The following BCAR3 variants were observed in gnomAD, a reference collection of about 807,000 sequenced individuals.
The protein encoded by BCAR3 is BCAR3 adaptor protein, NSP family member.
A neutral mutation model predicts 80.1 loss-of-function variants in BCAR3; 37 were observed. That is an observed-to-expected ratio of 0.46 (90% CI 0.36 to 0.61). BCAR3 has a LOEUF of 0.61. Ranked by LOEUF, BCAR3 falls within the 20% of genes least tolerant of loss-of-function variation. The pLI is 0.00. For missense variants in BCAR3, 978 were observed against 1,068.2 expected, an observed-to-expected ratio of 0.92 and a Z score of 1.18; for synonymous variants, 389 against 418.9, an observed-to-expected ratio of 0.93 and a Z score of 0.87.
intron 7 of BCAR3, among the ~76,000 whole-genome samples, chr1:93,577,806 C>T (rs1673517547): frequency 6.6e-6 from 1 of 152,198 alleles, no homozygotes; most frequent in Non-Finnish European, 1.5e-5. Flanking sequence ...ATTAAAAGGC[C>T]TGTGATTGAT....
intron 11 of BCAR3, among the ~76,000 whole-genome samples, chr1:93,566,170 C>CTT (rs1450389294): frequency 2.0e-5 from 3 of 152,186 alleles, no homozygotes; most frequent in Non-Finnish European, 2.9e-5. Flanking sequence ...TTAGGTCATA[C>CTT]TTTGCACAAA....
intron 2 of BCAR3, among the ~76,000 whole-genome samples, chr1:93,662,640 C>T (rs572091219): frequency 3.1e-4 from 47 of 152,164 alleles, no homozygotes; most frequent in Admixed American, 5.2e-4. Context: ...CTGAATTTTC[C>T]TCACCCCACG....
chr1:93,650,786 A>T lies in BCAR3; in HGVS notation c.318-8443T>A, dbSNP rs113344080. Among the ~76,000 whole-genome samples, 166 of 152,266 alleles carry T rather than the reference A, an allele frequency of 1.1e-3. 1 individual carries two copies. Among genetic ancestry groups the T allele is most frequent in the African/African-American group, 3.6e-3 (150 of 41,562 alleles). On this transcript the variant is annotated intron_variant, in intron 2 of 11. Coordinates refer to ENST00000260502, the MANE Select transcript of BCAR3 (RefSeq NM_003567.4). ...GCAAAACCTAACCCGATGAAACAGA[A>T]CAGGAATAAAATTTGAACTTCTAAT...
intron 3 of BCAR3, among the ~76,000 whole-genome samples, chr1:93,598,274 G>A (rs1326071802): frequency 1.3e-5 from 2 of 152,164 alleles, no homozygotes; most frequent in East Asian, 1.9e-4. Context: ...GCACTTGGGC[G>A]ATCTGTCAGA....
At chr1:93,658,551 C>T (rs1047743472) in intron 2 of BCAR3, among the ~76,000 whole-genome samples, 1 of 151,970 alleles carries the variant, frequency 6.6e-6, no homozygotes, top group Admixed American at 6.6e-5. Context: ...ACTCTGGAGG[C>T]TGAGATGAGA....
chr1:93,834,378 T>C (rs950437618), intron 2 of BCAR3, among the ~76,000 whole-genome samples: 1 of 152,142 alleles, frequency 6.6e-6, no homozygotes. Context: ...CCCATTATTC[T>C]ATTCTAGATA....
intron 2 of BCAR3, among the ~76,000 whole-genome samples, chr1:93,746,816 A>G (rs1292421772): frequency 1.3e-5 from 2 of 152,096 alleles, no homozygotes; most frequent in Non-Finnish European, 2.9e-5. Flanking sequence ...TTGCCCCTGA[A>G]AATGCTCTCC....
intron 2 of BCAR3, among the ~76,000 whole-genome samples, chr1:93,653,083 G>A (rs1214009761): frequency 2.6e-5 from 4 of 152,188 alleles, no homozygotes; most frequent in Non-Finnish European, 5.9e-5. Context: ...AATTTCACTA[G>A]TACAGACCTT....
Position 93,829,643 on chromosome 1 carries a change from G to A in BCAR3, c.-63+15924C>T, listed in dbSNP as rs916348148. ...TGGGATTACAGGCACGAGCCACCAC[G>A]CCTGGCCTAAAACTTTGATTAAATA... On this transcript the variant is annotated intron_variant, in intron 2 of 13. Transcript: ENST00000370244. Among the ~76,000 whole-genome samples, 5 of 151,910 alleles carry A rather than the reference G, an allele frequency of 3.3e-5. No individual in the cohort carries two copies. The South Asian group carries it at 6.2e-4, about 19-fold the overall frequency.
intron 2 of BCAR3, among the ~76,000 whole-genome samples, chr1:93,770,501 A>C (rs1287401966): frequency 6.6e-6 from 1 of 152,006 alleles, no homozygotes; most frequent in Non-Finnish European, 1.5e-5. Flanking sequence ...AGAGGCAAAC[A>C]TTTTTTTGTT....
chr1:93,710,636 C>G (rs560877549), intron 2 of BCAR3, among the ~76,000 whole-genome samples: 1 of 152,290 alleles, frequency 6.6e-6, no homozygotes, highest in East Asian at 1.9e-4. Flanking sequence ...TCGCATTGGT[C>G]TTCTTTCGGT....
chr1:93,618,437 C>T (rs1353748780), intron 3 of BCAR3, among the ~76,000 whole-genome samples: 1 of 152,234 alleles, frequency 6.6e-6, no homozygotes, highest in African/African-American at 2.4e-5. Flanking sequence ...AAAGTACAGT[C>T]TTCACAGCAG....
chr1:93,713,377 G>A (rs1650089321), intron 2 of BCAR3, among the ~76,000 whole-genome samples: 1 of 152,116 alleles, frequency 6.6e-6, no homozygotes, highest in Non-Finnish European at 1.5e-5. Flanking sequence ...ATTATTTAAT[G>A]AGGTCCAGAT....
At chr1:93,673,960 T>C (rs1571032200) in intron 2 of BCAR3, among the ~76,000 whole-genome samples, 1 of 152,248 alleles carries the variant, frequency 6.6e-6, no homozygotes, top group East Asian at 1.9e-4. Context: ...AGCTGGATTT[T>C]AAAATATCCT....
At chr1:93,820,979 C>T (rs934242888) in intron 2 of BCAR3, among the ~76,000 whole-genome samples, 4 of 147,928 alleles carry the variant, frequency 2.7e-5, no homozygotes, top group Non-Finnish European at 5.9e-5. Flanking sequence ...GGGACCAAGA[C>T]CCTAGTTACA....
At chr1:93,705,005 CTTACCTAG>C (rs557516415) in intron 3 of BCAR3, among the ~76,000 whole-genome samples, 151 of 152,296 alleles carry the variant, frequency 9.9e-4, no homozygotes, top group African/African-American at 3.6e-3. Flanking sequence ...TTTGCCAAGC[CTTACCTAG>C]TTCTGTTTAA....
intron 3 of BCAR3, among the ~76,000 whole-genome samples, chr1:93,704,093 C>T (rs1337711703): frequency 6.6e-6 from 1 of 152,120 alleles, no homozygotes; most frequent in Non-Finnish European, 1.5e-5. Flanking sequence ...CATAGGGCAG[C>T]ACAGGGCTAG....
At chr1:93,778,711 AT>A (rs1254266955) in intron 2 of BCAR3, among the ~76,000 whole-genome samples, 1 of 151,886 alleles carries the variant, frequency 6.6e-6, no homozygotes, top group Non-Finnish European at 1.5e-5. Context: ...AGGATCAGGG[AT>A]TTTCCCTGCT....
chr1:93,663,566 C>A (rs533497473), intron 2 of BCAR3, among the ~76,000 whole-genome samples: 1 of 152,164 alleles, frequency 6.6e-6, no homozygotes, highest in Non-Finnish European at 1.5e-5. Flanking sequence ...AGGGCTATAC[C>A]GTGGATGAGA....
Sources: gnomAD v4.1 joint callset for allele counts (sites outside exome capture counted in the v4.1 genomes callset) on GRCh38, gnomAD v4.1.1 for gene constraint, MANE v1.5 for transcripts, NCBI Gene and HGNC (gene_info 2026-07-23, HGNC 2026-07-21) for gene names.